BRINP3: variants seen among roughly 807,000 people sequenced by gnomAD.
The protein encoded by BRINP3 is BMP/retinoic acid-inducible neural-specific protein 3.
Under a neutral mutation model 71.0 loss-of-function variants are expected in BRINP3, and 19 were observed. The ratio of observed to expected loss-of-function variants is 0.27; its 90% CI spans 0.19 to 0.39. The LOEUF is 0.39. Among genes scored for constraint, BRINP3 ranks in the 10% least tolerant of loss-of-function variants. The pLI, the probability that BRINP3 is intolerant of heterozygous loss-of-function variation, is 1.00. For synonymous variants in BRINP3, 380 were observed against 337.7 expected (o/e 1.13, Z -1.37); for missense variants, 959 against 940.8 (o/e 1.02, Z -0.25).
chr1:190,104,723 A>C (rs1416296349), intron 7 of BRINP3, among the ~76,000 whole-genome samples: 1 of 152,064 alleles, frequency 6.6e-6, no homozygotes, highest in Non-Finnish European at 1.5e-5. Context: ...CAGGACAGAC[A>C]TTCTAGATGT....
At chr1:190,169,936 G>A (rs1558031503) in intron 6 of BRINP3, among the ~76,000 whole-genome samples, 1 of 152,018 alleles carries the variant, frequency 6.6e-6, no homozygotes, top group Non-Finnish European at 1.5e-5. Flanking sequence ...TCTACATTTT[G>A]CTGATGAGAA....
chr1:190,104,162 A>C (rs1273942310), intron 7 of BRINP3, among the ~76,000 whole-genome samples: 1 of 152,040 alleles, frequency 6.6e-6, no homozygotes, highest in African/African-American at 2.4e-5. Context: ...GAAAACAGTC[A>C]TTTATTGCCA....
At chr1:190,250,013 A>G (rs971118472) in intron 4 of BRINP3, among the ~76,000 whole-genome samples, 7 of 151,960 alleles carry the variant, frequency 4.6e-5, no homozygotes, top group African/African-American at 1.7e-4. Context: ...AAATGGATAT[A>G]GGACAAATAT....
intron 7 of BRINP3, among the ~76,000 whole-genome samples, chr1:190,127,267 C>G (rs1207408230): frequency 2.6e-5 from 4 of 151,614 alleles, no homozygotes; most frequent in African/African-American, 9.7e-5. Context: ...TTAATACATC[C>G]TTTATTAATC....
chr1:190,127,069 G>T (rs566551539), intron 7 of BRINP3, among the ~76,000 whole-genome samples: 16 of 151,842 alleles, frequency 1.1e-4, no homozygotes, highest in African/African-American at 3.4e-4. Flanking sequence ...TCTCACCATT[G>T]TACACAATAT....
At chr1:190,113,744 T>C (rs1328409423) in intron 7 of BRINP3, among the ~76,000 whole-genome samples, 1 of 152,186 alleles carries the variant, frequency 6.6e-6, no homozygotes, top group African/African-American at 2.4e-5. Flanking sequence ...ATATTTCTAG[T>C]ATATTGCAAA....
At chr1:190,353,668 A>G (rs191490343) in intron 2 of BRINP3, among the ~76,000 whole-genome samples, 28 of 152,064 alleles carry the variant, frequency 1.8e-4, no homozygotes, top group South Asian at 1.2e-3. Flanking sequence ...TCTCTCTTTA[A>G]AAAGGAAGTG....
intron 2 of BRINP3, among the ~76,000 whole-genome samples, chr1:190,323,664 G>T (rs1666395967): frequency 1.3e-5 from 2 of 151,360 alleles, no homozygotes; most frequent in African/African-American, 4.9e-5. Context: ...AGTTCTCTGT[G>T]GTTGAATATG....
intron 2 of BRINP3, among the ~76,000 whole-genome samples, chr1:190,427,932 CCTCT>C (rs1283315121): frequency 6.7e-6 from 1 of 149,834 alleles, no homozygotes; most frequent in Non-Finnish European, 1.5e-5. Context: ...GTGTGCTCTT[CCTCT>C]CTATGTGTCC....
intron 2 of BRINP3, among the ~76,000 whole-genome samples, chr1:190,285,527 A>G (rs1663353586): frequency 6.6e-6 from 1 of 152,066 alleles, no homozygotes; most frequent in Admixed American, 6.6e-5. Context: ...TGAACCCAGG[A>G]GGCGGAGGTG....
At position 190,454,749 on chromosome 1, in the gene BRINP3, G is replaced by C. The variant is rs1047595117; in HGVS notation, c.142C>G (p.Leu48Val). 6.2e-7 allele frequency: 1 copy of C among 1,614,158 alleles called. No homozygotes were observed. The highest frequency in any genetic ancestry group is 8.5e-7 in the Non-Finnish European group (1 of 1,180,038). Residue 48 changes from leucine (L) to valine (V), a missense_variant, in exon 2 of 8, where the codon CTC becomes GTC. Coordinates refer to ENST00000367462, the MANE Select transcript of BRINP3 (RefSeq NM_199051.3). ...CGATGGAAGGGTCCCTTATCAGAGA[G>C]GAGCCAGTCGAAGGGGCTTGTGGCA... Reference protein sequence around the residue: ...QHATSPFDWLLSDKGPFHRSQ... With the variant: ...QHATSPFDWLVSDKGPFHRSQ...
intron 6 of BRINP3, among the ~76,000 whole-genome samples, chr1:190,202,004 G>C (rs1395469848): frequency 6.6e-6 from 1 of 152,142 alleles, no homozygotes; most frequent in Non-Finnish European, 1.5e-5. Flanking sequence ...TGTGAGAAGA[G>C]GGCCACCACC....
At chr1:190,428,491 A>G (rs1423075677) in intron 2 of BRINP3, among the ~76,000 whole-genome samples, 1 of 151,868 alleles carries the variant, frequency 6.6e-6, no homozygotes, top group Non-Finnish European at 1.5e-5. Flanking sequence ...CTTATTCTCT[A>G]CCTGTTGACA....
intron 2 of BRINP3, among the ~76,000 whole-genome samples, chr1:190,283,006 G>C (rs918440345): frequency 4.6e-5 from 7 of 151,892 alleles, no homozygotes; most frequent in African/African-American, 1.7e-4. Context: ...ATGAGGAACA[G>C]TGTACATACT....
intron 2 of BRINP3, among the ~76,000 whole-genome samples, chr1:190,375,944 A>G (rs1670157143): frequency 6.6e-6 from 1 of 151,978 alleles, no homozygotes; most frequent in Non-Finnish European, 1.5e-5. Context: ...TGTAATCTCC[A>G]TCATAATAAA....
At chr1:190,301,995 A>T (rs1664773256) in intron 2 of BRINP3, among the ~76,000 whole-genome samples, 1 of 151,644 alleles carries the variant, frequency 6.6e-6, no homozygotes, top group African/African-American at 2.4e-5. Context: ...TTTTTAACAT[A>T]CTTTATTTTC....
chr1:190,429,184 T>C (rs1271599428), intron 2 of BRINP3, among the ~76,000 whole-genome samples: 3 of 152,172 alleles, frequency 2.0e-5, no homozygotes, highest in Non-Finnish European at 4.4e-5. Flanking sequence ...AAATTGAGAA[T>C]GCATATAATT....
At chr1:190,443,099 G>T (rs1674944839) in intron 2 of BRINP3, among the ~76,000 whole-genome samples, 1 of 151,622 alleles carries the variant, frequency 6.6e-6, no homozygotes, top group Non-Finnish European at 1.5e-5. Flanking sequence ...TTTTAGTAGA[G>T]ATGGGGTTTC....
At chr1:190,341,723 A>C (rs946740233) in intron 2 of BRINP3, among the ~76,000 whole-genome samples, 1 of 151,826 alleles carries the variant, frequency 6.6e-6, no homozygotes, top group Non-Finnish European at 1.5e-5. Flanking sequence ...TAGTTGAAAA[A>C]AAATTACATG....
Sources: allele counts gnomAD v4.1 joint callset (sites outside exome capture counted in the v4.1 genomes callset), GRCh38; gene constraint gnomAD v4.1.1; transcripts MANE v1.5; gene names NCBI Gene and HGNC (gene_info 2026-07-23, HGNC 2026-07-21).